The following KIAA0513 variants were observed in gnomAD, a reference collection of about 807,000 sequenced individuals.
KIAA0513 encodes the protein KIAA0513.
Under a neutral mutation model 56.5 loss-of-function variants are expected in KIAA0513, and 39 were observed. That is an observed-to-expected ratio of 0.69 (90% CI 0.53 to 0.90). The LOEUF is 0.90. Among genes scored for constraint, KIAA0513 ranks in the 40% least tolerant of loss-of-function variants. The pLI is 0.00. For synonymous variants in KIAA0513, 268 were observed against 215.6 expected (o/e 1.24, Z -2.13); for missense variants, 591 against 535.2 (o/e 1.10, Z -1.03).
At chr16:85,087,221 A>G in intron 12 of KIAA0513, 55 bp downstream of exon 12, 1 of 1,421,030 alleles carries the variant, frequency 7.0e-7, no homozygotes, top group Non-Finnish European at 1.0e-6. Flanking sequence ...GTCAGGAGCC[A>G]GTGCTGTGCC....
chr16:85,079,422 A>C (rs1223065382), intron 8 of KIAA0513: 1 of 186,582 alleles, frequency 5.4e-6, no homozygotes, highest in South Asian at 1.3e-4. Context: ...ATGGGTAAAC[A>C]AAATGTGGTC....
rs746249931 is a variant in KIAA0513, at chr16:85,077,647, G to C, written c.782+15G>C. ...AGGAGGAACGAGTACGTGTGGCCTT[G>C]GGGTCCCTCCCACCTGCAGGGGACT... On this transcript the variant is annotated intron_variant, in intron 6 of 12. Coordinates refer to ENST00000683363, the MANE Select transcript of KIAA0513 (RefSeq NM_001388359.1). 1.3e-5 allele frequency: 20 copies of C among 1,586,232 alleles called. No individual in the cohort carries two copies. Among genetic ancestry groups the C allele is most frequent in the Admixed American group, 5.2e-5 (3 of 57,756 alleles).
chr16:85,082,677 CTGAG>C, intron 10 of KIAA0513, 84 bp downstream of exon 10: 1 of 1,395,152 alleles, frequency 7.2e-7, no homozygotes, highest in Non-Finnish European at 1.0e-6. Flanking sequence ...GTGCACTGTG[CTGAG>C]CTGCTGCAGC....
At chr16:85,036,065 T>C (rs1360484300) in intron 1 of KIAA0513, among the ~76,000 whole-genome samples, 1 of 151,970 alleles carries the variant, frequency 6.6e-6, no homozygotes, top group Non-Finnish European at 1.5e-5. Flanking sequence ...TCCTACCGCC[T>C]TGGCCTCCCA....
chr16:85,086,938 A>T, intron 11 of KIAA0513, 134 bp from the exon 12 acceptor site: 1 of 890,176 alleles, frequency 1.1e-6, no homozygotes, highest in Non-Finnish European at 1.8e-6. Flanking sequence ...GTGGCTAATT[A>T]GGCAGCAGTG....
intron 2 of KIAA0513, among the ~76,000 whole-genome samples, chr16:85,070,332 G>A (rs57549450): frequency 0.081 from 12,291 of 152,140 alleles, 763 homozygotes; most frequent in East Asian, 0.24. Context: ...AGTTTTCTAT[G>A]TGGTTAGAAA....
At chr16:85,028,328 A>G (rs1293172633) in intron 1 of KIAA0513, among the ~76,000 whole-genome samples, 1 of 152,110 alleles carries the variant, frequency 6.6e-6, no homozygotes, top group Non-Finnish European at 1.5e-5. Context: ...GACATTGGCG[A>G]GTCATGCGTG....
At chr16:85,075,789 G>C in intron 4 of KIAA0513, 55 bp from the exon 5 acceptor site, 1 of 1,528,574 alleles carries the variant, frequency 6.5e-7, no homozygotes, top group Non-Finnish European at 9.1e-7. Context: ...TGACCGACTT[G>C]CAGGAAGAAG....
intron 1 of KIAA0513, among the ~76,000 whole-genome samples, chr16:85,053,794 C>G (rs1429587595): frequency 6.6e-6 from 1 of 152,044 alleles, no homozygotes; most frequent in Non-Finnish European, 1.5e-5. Flanking sequence ...AAGATCAAGA[C>G]CATTCTGGCC....
At chr16:85,030,865 G>A (rs1049788072) in intron 1 of KIAA0513, among the ~76,000 whole-genome samples, 1 of 152,260 alleles carries the variant, frequency 6.6e-6, no homozygotes, top group East Asian at 1.9e-4. Context: ...TTCACGGGGA[G>A]GTTGGCCAGT....
rs546709644 is a variant in KIAA0513, at chr16:85,071,765, C to CTT, written c.330-4_330-3dup. ...GGGTTTTTTTTTTTTTTCCTCTGCT[C>CTT]TTTTTTTTTTTTTTTAGGGAGGACT... On this transcript the variant is annotated splice_polypyrimidine_tract_variant and intron_variant, in intron 2 of 12. Coordinates refer to ENST00000683363, the MANE Select transcript of KIAA0513 (RefSeq NM_001388359.1). The CTT allele has an allele frequency of 0.015, 18,070 of 1,188,380 alleles. 6 individuals are homozygous for CTT. Among genetic ancestry groups the CTT allele is most frequent in the East Asian group, 0.034 (1,269 of 37,126 alleles). 73.6% of individuals were successfully genotyped at this position (1,188,380 alleles called of 1,614,324 possible). A position where few individuals can be genotyped will look rare whatever the true frequency, so the allele number is the denominator to read the frequency against.
In KIAA0513 at chr16:85,076,627, A is replaced by G. The variant is rs577965554; in HGVS notation, c.574+713A>G. ...ACCCGCGTGCTCACTCTTGGGGTGT[A>G]TGTATCCCCTCCCCCTCCCACAGCC... On this transcript the variant is annotated intron_variant, in intron 5 of 12. Transcript: ENST00000683363. This position sits in a 1 kb window ranked among gnomAD's most constrained non-coding sequence, Gnocchi z 4.7. Among the ~76,000 whole-genome samples the G allele has an allele frequency of 5.3e-5, 8 of 151,980 alleles. No homozygotes were observed. In the Middle Eastern group the frequency reaches 0.01, roughly 194 times the overall value.
intron 1 of KIAA0513, among the ~76,000 whole-genome samples, chr16:85,032,048 C>T (rs570641269): frequency 6.6e-6 from 1 of 152,282 alleles, no homozygotes; most frequent in African/African-American, 2.4e-5. Context: ...AATTTATTCT[C>T]ACAGTTCTGG....
At chr16:85,082,509 A>G in intron 9 of KIAA0513, 55 bp from the exon 10 acceptor site, 1 of 1,581,772 alleles carries the variant, frequency 6.3e-7, no homozygotes, top group Non-Finnish European at 8.7e-7. Context: ...CCATCCACAT[A>G]TCTTGCATGA....
intron 1 of KIAA0513, among the ~76,000 whole-genome samples, chr16:85,039,973 T>G (rs760793706): frequency 6.6e-6 from 1 of 151,622 alleles, no homozygotes. Flanking sequence ...TAGCTGGGAT[T>G]ACAGGCATGT....
Position 85,081,240 on chromosome 16 carries a change from T to A in KIAA0513, c.903-75T>A. On this transcript the variant is annotated intron_variant, in intron 8 of 12. Transcript: ENST00000683363. This position sits in a 1 kb window ranked among gnomAD's most constrained non-coding sequence, Gnocchi z 4.4. ...AGATGTGAGACACTGCCCTTGTTTATCCCTCAAGGGGCCCACAACCCGTGT... is the reference window on the plus strand; with the variant it reads ...AGATGTGAGACACTGCCCTTGTTTAACCCTCAAGGGGCCCACAACCCGTGT... The A allele has an allele frequency of 7.6e-7, 1 of 1,309,970 alleles. No homozygotes were observed. The allele number at this position is 1,309,970 out of a possible 1,614,324, so 81.1% of individuals were successfully genotyped here.
chr16:85,082,650 A>G, intron 10 of KIAA0513, 57 bp downstream of exon 10: 1 of 1,556,108 alleles, frequency 6.4e-7, no homozygotes, highest in Non-Finnish European at 8.9e-7. Context: ...TGCGAAGGCC[A>G]CTGCAGGGTG....
rs1160950778 is a variant in KIAA0513, at chr16:85,091,822, G to C, written c.*3497G>C. ...ATTCCAGACCCCTGACATGAGGAATGCAGGTTCACACTGTAAAGAGTTTGT... is the reference window on the plus strand; with the variant it reads ...ATTCCAGACCCCTGACATGAGGAATCCAGGTTCACACTGTAAAGAGTTTGT... On this transcript the variant is annotated 3_prime_UTR_variant, in exon 13 of 13. Coordinates refer to ENST00000683363, the MANE Select transcript of KIAA0513 (RefSeq NM_001388359.1). 2 of 152,244 alleles carry C rather than the reference G, an allele frequency of 1.3e-5. No individual in the cohort carries two copies. The highest frequency in any genetic ancestry group is 2.9e-5 in the Non-Finnish European group (2 of 68,078). The allele number at this position is 152,244 out of a possible 1,614,324, so 9.4% of individuals were successfully genotyped here. A position where few individuals can be genotyped will look rare whatever the true frequency, so the allele number is the denominator to read the frequency against.
At chr16:85,062,106 C>A (rs1303054109) in intron 1 of KIAA0513, among the ~76,000 whole-genome samples, 1 of 152,176 alleles carries the variant, frequency 6.6e-6, no homozygotes, top group Non-Finnish European at 1.5e-5. Flanking sequence ...TCAGGACCAT[C>A]ACCTTCAGAT....
Sources: gnomAD v4.1 joint callset for allele counts (sites outside exome capture counted in the v4.1 genomes callset) on GRCh38, gnomAD v4.1.1 for gene constraint, Gnocchi (gnomAD v3.1) non-coding constraint, MANE v1.5 for transcripts, NCBI Gene and HGNC (gene_info 2026-07-23, HGNC 2026-07-21) for gene names.